The following OXR1 variants were observed in gnomAD, a reference collection of about 807,000 sequenced individuals.
OXR1 encodes the protein oxidation resistance 1, also known as oxidation resistance protein 1.
In OXR1, 41 loss-of-function variants were observed where a neutral mutation model predicts 104.6. That is an observed-to-expected ratio of 0.39 (90% CI 0.31 to 0.51). The LOEUF is 0.51. Ranked by LOEUF, OXR1 falls within the 20% of genes least tolerant of loss-of-function variation. The pLI, the probability that OXR1 is intolerant of heterozygous loss-of-function variation, is 0.77. For missense variants in OXR1, 955 were observed against 1,031.9 expected (o/e 0.93, Z 1.02); for synonymous variants, 348 against 348.4 (o/e 1.00, Z 0.01).
chr8:106,425,539 C>T (rs979999457), intron 2 of OXR1, among the ~76,000 whole-genome samples: 13 of 151,978 alleles, frequency 8.6e-5, no homozygotes, highest in African/African-American at 3.1e-4. Flanking sequence ...TCAGTAAGTC[C>T]GCATCATTAT....
At chr8:106,569,177 GTCA>G (rs1817290211) in intron 3 of OXR1, among the ~76,000 whole-genome samples, 1 of 151,958 alleles carries the variant, frequency 6.6e-6, no homozygotes. Context: ...ACTTTGACTT[GTCA>G]GGCTTTCTGT....
At chr8:106,380,085 T>A (rs1817080860) in intron 2 of OXR1, among the ~76,000 whole-genome samples, 1 of 152,074 alleles carries the variant, frequency 6.6e-6, no homozygotes, top group Non-Finnish European at 1.5e-5. Context: ...CCGTTAGCAG[T>A]CATTCCTTCT....
intron 2 of OXR1, among the ~76,000 whole-genome samples, chr8:106,408,259 T>TGAA (rs1339358850): frequency 4.6e-5 from 7 of 152,296 alleles, no homozygotes; most frequent in Admixed American, 3.3e-4. Context: ...AACAATGAGA[T>TGAA]GAACATTTTA....
intron 2 of OXR1, among the ~76,000 whole-genome samples, chr8:106,457,561 G>T (rs1820669463): frequency 1.3e-5 from 2 of 152,168 alleles, no homozygotes; most frequent in African/African-American, 4.8e-5. Flanking sequence ...GAGGCTGGAA[G>T]AATTCAGAGG....
In OXR1 at chr8:106,277,835, C is replaced by A. The variant is rs1005601064; in HGVS notation, c.-139+7468C>A. Among the ~76,000 whole-genome samples, 25 of 152,286 alleles carry A rather than the reference C, an allele frequency of 1.6e-4. No individual in the cohort carries two copies. In the East Asian group the frequency reaches 4.8e-3, roughly 29 times the overall value. ...ACAGATGAAAGAGGAAGCTGCTGTT[C>A]CTAGAAATTCCAGCAAATATCCCTG... On this transcript the variant is annotated intron_variant, in intron 1 of 16. Transcript: ENST00000517566.
At chr8:106,575,984 T>TC (rs1817797155) in intron 3 of OXR1, among the ~76,000 whole-genome samples, 1 of 78,556 alleles carries the variant, frequency 1.3e-5, no homozygotes, top group Non-Finnish European at 2.6e-5. Flanking sequence ...GAAATGTTTA[T>TC]AACACACACA....
At position 106,744,452 on chromosome 8, in the gene OXR1, C is replaced by G. The variant is rs376153383; in HGVS notation, c.2413-1337C>G. 5.8e-4 allele frequency among the ~76,000 whole-genome samples: 89 copies of G among 152,182 alleles called. 1 individual carries two copies. The highest frequency in any genetic ancestry group is 2.0e-3 in the African/African-American group (81 of 41,528). ...GATGGCACCAAACACAAATTATGGA[C>G]TTAGTAAAGAATATACATTATCATT... On this transcript the variant is annotated intron_variant, in intron 15 of 16. Transcript: ENST00000517566.
At chr8:106,494,481 C>T (rs1381974952) in intron 2 of OXR1, among the ~76,000 whole-genome samples, 2 of 152,140 alleles carry the variant, frequency 1.3e-5, no homozygotes, top group Non-Finnish European at 2.9e-5. Context: ...TCCCAGTTCC[C>T]TTAAAGCCTG....
intron 2 of OXR1, among the ~76,000 whole-genome samples, chr8:106,426,244 A>T (rs574176240): frequency 6.2e-4 from 95 of 152,274 alleles, no homozygotes; most frequent in African/African-American, 2.2e-3. Context: ...CGTAAGACTT[A>T]ATAGTTTTTT....
At chr8:106,345,315 T>C (rs79097397) in intron 1 of OXR1, among the ~76,000 whole-genome samples, 10,235 of 152,208 alleles carry the variant, frequency 0.067, 364 homozygotes, top group Non-Finnish European at 0.073. Flanking sequence ...TTAAAGCTGG[T>C]TAGAGCTAGG....
chr8:106,546,132 G>A (rs1389783505), intron 3 of OXR1, among the ~76,000 whole-genome samples: 1 of 152,136 alleles, frequency 6.6e-6, no homozygotes, highest in Non-Finnish European at 1.5e-5. Context: ...CATTCTACCC[G>A]AGAGTCTGTC....
At chr8:106,605,229 T>C (rs1281762297) in intron 3 of OXR1, 1 of 152,150 alleles carries the variant, frequency 6.6e-6, no homozygotes, top group East Asian at 1.9e-4. Context: ...ATTTTATACT[T>C]GAAAGCTAAA....
intron 2 of OXR1, among the ~76,000 whole-genome samples, chr8:106,501,929 A>C (rs2129955525): frequency 6.6e-6 from 1 of 152,340 alleles, no homozygotes; most frequent in South Asian, 2.1e-4. Context: ...CCAGGAGATT[A>C]AGGCAATATC....
intron 1 of OXR1, among the ~76,000 whole-genome samples, chr8:106,318,962 A>G (rs1010728101): frequency 2.6e-5 from 4 of 152,228 alleles, no homozygotes; most frequent in African/African-American, 7.2e-5. Context: ...GAGTCTATCA[A>G]TCTTATTGCT....
At chr8:106,632,677 T>G (rs937860903) in intron 3 of OXR1, among the ~76,000 whole-genome samples, 9 of 152,228 alleles carry the variant, frequency 5.9e-5, no homozygotes, top group African/African-American at 1.9e-4. Flanking sequence ...TGTCATACAA[T>G]TTTTACTTAT....
At chr8:106,331,662 A>G (rs1378898810) in intron 1 of OXR1, among the ~76,000 whole-genome samples, 1 of 152,172 alleles carries the variant, frequency 6.6e-6, no homozygotes, top group Non-Finnish European at 1.5e-5. Flanking sequence ...TTTTGAGGCC[A>G]GGTGCGGTGG....
intron 1 of OXR1, among the ~76,000 whole-genome samples, chr8:106,331,922 C>T (rs754943759): frequency 2.9e-5 from 4 of 139,508 alleles, no homozygotes; most frequent in Non-Finnish European, 6.0e-5. Flanking sequence ...TGGGTGACAG[C>T]GAGACTCTGT....
At chr8:106,526,596 G>A (rs1343424576) in intron 3 of OXR1, among the ~76,000 whole-genome samples, 1 of 152,250 alleles carries the variant, frequency 6.6e-6, no homozygotes. Context: ...AGGCTGGAGT[G>A]CAGTGGCGCA....
chr8:106,417,797 C>T (rs1357496606), intron 2 of OXR1, among the ~76,000 whole-genome samples: 10 of 152,166 alleles, frequency 6.6e-5, no homozygotes. Flanking sequence ...AGATGGCACT[C>T]TCAAAACTGG....
Sources: gnomAD v4.1 joint callset for allele counts (sites outside exome capture counted in the v4.1 genomes callset) on GRCh38, gnomAD v4.1.1 for gene constraint, MANE v1.5 for transcripts, NCBI Gene and HGNC (gene_info 2026-07-23, HGNC 2026-07-21) for gene names.